GPC5: variants seen among roughly 807,000 people sequenced by gnomAD.
GPC5 encodes glypican 5.
A neutral mutation model predicts 53.9 loss-of-function variants in GPC5; 47 were observed. The observed-to-expected ratio is 0.87, with a 90% confidence interval of 0.69 to 1.11. The LOEUF (loss-of-function observed/expected upper bound fraction) is 1.11. Ranked by LOEUF, GPC5 falls within the 50% of genes most tolerant of loss-of-function variation. The probability of loss-of-function intolerance (pLI) is 0.00; values close to 1 mark genes in which losing one functional copy is unlikely to be tolerated. For missense variants in GPC5, 748 were observed against 713.1 expected (o/e 1.05, Z -0.56); for synonymous variants, 286 against 263.3 (o/e 1.09, Z -0.84).
chr13:92,571,990 G>A (rs1276344560), intron 7 of GPC5, among the ~76,000 whole-genome samples: 4 of 150,918 alleles, frequency 2.7e-5, no homozygotes, highest in South Asian at 2.1e-4. Context: ...AGAAATGATC[G>A]CAACACTGCA....
At chr13:91,426,632 T>C (rs571497810) in intron 1 of GPC5, among the ~76,000 whole-genome samples, 52 of 152,182 alleles carry the variant, frequency 3.4e-4, no homozygotes, top group African/African-American at 1.3e-3. Flanking sequence ...CTGAATAGCT[T>C]GGAGTTTAAT....
chr13:91,660,278 G>T (rs2034955477), intron 2 of GPC5, among the ~76,000 whole-genome samples: 1 of 152,158 alleles, frequency 6.6e-6, no homozygotes, highest in Non-Finnish European at 1.5e-5. Flanking sequence ...TTCCAAACTG[G>T]TTGTGGCAGC....
At chr13:92,470,572 G>A (rs1374448223) in intron 7 of GPC5, among the ~76,000 whole-genome samples, 1 of 152,078 alleles carries the variant, frequency 6.6e-6, no homozygotes, top group African/African-American at 2.4e-5. Flanking sequence ...TAATAAGAAA[G>A]CATGATATGG....
intron 3 of GPC5, among the ~76,000 whole-genome samples, chr13:91,719,457 C>G (rs915520446): frequency 6.6e-6 from 1 of 152,204 alleles, no homozygotes; most frequent in Non-Finnish European, 1.5e-5. Context: ...TTTCTTCTGC[C>G]TTCTCAAATC....
At chr13:91,907,816 GA>G in intron 5 of GPC5, 120 bp from the exon 6 acceptor site, 1 of 944,338 alleles carries the variant, frequency 1.1e-6, no homozygotes. Flanking sequence ...TGTTCCAAGA[GA>G]AAAATACATT....
chr13:92,399,117 T>C (rs1278592479), intron 7 of GPC5, among the ~76,000 whole-genome samples: 3 of 152,226 alleles, frequency 2.0e-5, no homozygotes, highest in Non-Finnish European at 2.9e-5. Context: ...TCAATATGCT[T>C]CATGATTTGG....
chr13:92,643,099 A>T (rs1038946215), intron 7 of GPC5, among the ~76,000 whole-genome samples: 15 of 152,036 alleles, frequency 9.9e-5, no homozygotes, highest in African/African-American at 3.6e-4. Context: ...AATTTGTTTG[A>T]GTTCATTGTA....
chr13:92,664,354 ATTTTTT>A, intron 7 of GPC5, among the ~76,000 whole-genome samples: 1 of 144,228 alleles, frequency 6.9e-6, no homozygotes, highest in African/African-American at 2.6e-5. Flanking sequence ...AATCCAATAG[ATTTTTT>A]TTTTTTTTTT....
intron 7 of GPC5, among the ~76,000 whole-genome samples, chr13:92,373,570 G>A (rs988741620): frequency 6.6e-6 from 1 of 152,084 alleles, no homozygotes; most frequent in Non-Finnish European, 1.5e-5. Flanking sequence ...TTTGTATTTT[G>A]TTTTCTGGTA....
At chr13:91,685,020 C>A (rs1047681121) in intron 2 of GPC5, among the ~76,000 whole-genome samples, 2 of 152,180 alleles carry the variant, frequency 1.3e-5, no homozygotes, top group African/African-American at 4.8e-5. Flanking sequence ...TTTTTCATCA[C>A]TGAGGCTTCC....
At chr13:92,694,035 G>A (rs939643559) in intron 7 of GPC5, among the ~76,000 whole-genome samples, 12 of 152,164 alleles carry the variant, frequency 7.9e-5, no homozygotes, top group Non-Finnish European at 1.3e-4. Flanking sequence ...GGGCCCAGGT[G>A]CAACTGGGGC....
chr13:91,570,177 G>A lies in GPC5; in HGVS notation c.325+121255G>A, dbSNP rs557741096. ...AAAATTTTGTGTCTATGTCCATCCC[G>A]ACAAATAGACATCAGAAAGTTAATG... On this transcript the variant is annotated intron_variant, in intron 2 of 7. Coordinates refer to ENST00000377067, the MANE Select transcript of GPC5 (RefSeq NM_004466.6). Among the ~76,000 whole-genome samples, 16 of 152,138 alleles carry A rather than the reference G, an allele frequency of 1.1e-4. 1 individual carries two copies. In the South Asian group the frequency reaches 2.9e-3, roughly 28 times the overall value.
intron 7 of GPC5, among the ~76,000 whole-genome samples, chr13:92,182,710 CA>C (rs369861118): frequency 0.11 from 16,587 of 150,638 alleles, 3,009 homozygotes; most frequent in African/African-American, 0.38. Context: ...ACTACAAATA[CA>C]AAAAAAAATT....
chr13:92,099,045 T>C (rs2041444324), intron 6 of GPC5, among the ~76,000 whole-genome samples: 1 of 152,026 alleles, frequency 6.6e-6, no homozygotes, highest in South Asian at 2.1e-4. Context: ...TTACTTCCCT[T>C]CTCTCTGTTA....
chr13:91,516,878 C>T (rs1385227922), intron 2 of GPC5, among the ~76,000 whole-genome samples: 9 of 152,160 alleles, frequency 5.9e-5, no homozygotes, highest in Admixed American at 3.3e-4. Context: ...TGGAAGCTGC[C>T]GAGGCTTGGG....
intron 6 of GPC5, among the ~76,000 whole-genome samples, chr13:91,998,162 A>C (rs2040521118): frequency 6.6e-6 from 1 of 152,206 alleles, no homozygotes; most frequent in Non-Finnish European, 1.5e-5. Context: ...CAAATGTCAC[A>C]CTTCACTTAC....
At chr13:92,296,673 G>A (rs12856231) in intron 7 of GPC5, among the ~76,000 whole-genome samples, 1,528 of 152,272 alleles carry the variant, frequency 0.01, 27 homozygotes, top group Middle Eastern at 0.044. Context: ...AGGGAGAGGC[G>A]CGAGCGGGAA....
chr13:91,483,811 T>A (rs1219000324), intron 2 of GPC5, among the ~76,000 whole-genome samples: 1 of 152,198 alleles, frequency 6.6e-6, no homozygotes, highest in Non-Finnish European at 1.5e-5. Context: ...ATCCAATGTT[T>A]TTTCTCATCA....
intron 5 of GPC5, among the ~76,000 whole-genome samples, chr13:91,904,169 GTCTTGC>G: frequency 7.6e-6 from 1 of 132,402 alleles, no homozygotes; most frequent in South Asian, 2.3e-4. Flanking sequence ...TTTAAGGCAG[GTCTTGC>G]TCTGTTGCCC....
Sources: allele counts gnomAD v4.1 joint callset (sites outside exome capture counted in the v4.1 genomes callset), GRCh38; gene constraint gnomAD v4.1.1; transcripts MANE v1.5; gene names NCBI Gene and HGNC (gene_info 2026-07-23, HGNC 2026-07-21).